The following FBXL7 variants were observed in gnomAD, a reference collection of about 807,000 sequenced individuals.
The protein encoded by FBXL7 is F-box and leucine rich repeat protein 7.
A neutral mutation model predicts 38.3 loss-of-function variants in FBXL7; 12 were observed. The observed-to-expected ratio is 0.31, with a 90% CI of 0.20 to 0.51. FBXL7 has a LOEUF of 0.51. Among genes scored for constraint, FBXL7 ranks in the 20% least tolerant of loss-of-function variants. The probability of loss-of-function intolerance (pLI) is 0.98; values close to 1 mark genes in which losing one functional copy is unlikely to be tolerated. For synonymous variants in FBXL7, 297 were observed against 300.9 expected (o/e 0.99, Z 0.13); for missense variants, 567 against 676.4 (o/e 0.84, Z 1.79).
chr5:15,595,754 A>G (rs1413918063), intron 1 of FBXL7, among the ~76,000 whole-genome samples: 1 of 152,206 alleles, frequency 6.6e-6, no homozygotes, highest in Admixed American at 6.5e-5. Flanking sequence ...ATCGAAGTGC[A>G]TTGACTCCAG....
chr5:15,888,919 T>C (rs1293148324), intron 2 of FBXL7, among the ~76,000 whole-genome samples: 1 of 152,194 alleles, frequency 6.6e-6, no homozygotes. Flanking sequence ...AAAAATCTAT[T>C]ATCTGTGCAG....
chr5:15,725,484 C>T (rs1744320353), intron 2 of FBXL7, among the ~76,000 whole-genome samples: 1 of 152,128 alleles, frequency 6.6e-6, no homozygotes, highest in Non-Finnish European at 1.5e-5. Flanking sequence ...CTAAGTTCAT[C>T]CCATTGTGGT....
At chr5:15,629,126 A>G (rs1035559005) in intron 2 of FBXL7, among the ~76,000 whole-genome samples, 2 of 152,012 alleles carry the variant, frequency 1.3e-5, no homozygotes, top group African/African-American at 4.8e-5. Context: ...AAAAAAAAAA[A>G]ATTGAGAAAA....
chr5:15,577,594 TTGTGTGTGTGTGTGTGTGTGTGTG>T (rs34405217), intron 1 of FBXL7, among the ~76,000 whole-genome samples: 37 of 147,634 alleles, frequency 2.5e-4, no homozygotes, highest in African/African-American at 7.2e-4. Context: ...GTAATGCATT[TTGTGTGTGTGTGTGTGTGTGTGTG>T]TGTGTGTGTG....
At chr5:15,914,778 CT>C (rs1741538096) in intron 2 of FBXL7, among the ~76,000 whole-genome samples, 1 of 152,140 alleles carries the variant, frequency 6.6e-6, no homozygotes, top group East Asian at 1.9e-4. Flanking sequence ...ACATTCTCCC[CT>C]TGGTGCATTA....
At chr5:15,536,018 C>A (rs1411870564) in intron 1 of FBXL7, among the ~76,000 whole-genome samples, 1 of 152,242 alleles carries the variant, frequency 6.6e-6, no homozygotes, top group Non-Finnish European at 1.5e-5. Context: ...GAGCATCTTA[C>A]CTCCCACCTG....
intron 2 of FBXL7, among the ~76,000 whole-genome samples, chr5:15,781,985 C>G (rs1737006066): frequency 2.6e-5 from 4 of 152,114 alleles, no homozygotes; most frequent in Admixed American, 2.6e-4. Flanking sequence ...CCCCTTGCCA[C>G]CCACCCACTG....
chr5:15,761,414 T>C (rs1736436389), intron 2 of FBXL7, among the ~76,000 whole-genome samples: 1 of 152,184 alleles, frequency 6.6e-6, no homozygotes, highest in Non-Finnish European at 1.5e-5. Flanking sequence ...AACCTTGAAC[T>C]TGGAGAAGGT....
At chr5:15,663,902 A>G (rs985335429) in intron 2 of FBXL7, among the ~76,000 whole-genome samples, 19 of 152,072 alleles carry the variant, frequency 1.2e-4, no homozygotes, top group Non-Finnish European at 2.1e-4. Flanking sequence ...CAGTTATTAT[A>G]TCTTTGATGT....
At position 15,883,674 on chromosome 5, in the gene FBXL7, G is replaced by A. The variant is rs537866140; in HGVS notation, c.128-44216G>A. On this transcript the variant is annotated intron_variant, in intron 2 of 3. Transcript: ENST00000504595. ...TGCTGGTCAAATTGCCAGTTTTATT[G>A]ATCACTCAGCCTTGTTGAACATCTG... Among the ~76,000 whole-genome samples the A allele has an allele frequency of 2.9e-3, 434 of 152,208 alleles. 3 individuals are homozygous for A. The highest frequency in any genetic ancestry group is 0.01 in the African/African-American group (421 of 41,536).
intron 2 of FBXL7, among the ~76,000 whole-genome samples, chr5:15,831,596 G>A (rs1274084440): frequency 6.6e-6 from 1 of 152,116 alleles, no homozygotes; most frequent in Non-Finnish European, 1.5e-5. Flanking sequence ...AGCTTTAATT[G>A]GCTAATGTGC....
intron 1 of FBXL7, among the ~76,000 whole-genome samples, chr5:15,504,089 C>T (rs768388711): frequency 4.6e-5 from 7 of 152,246 alleles, no homozygotes; most frequent in Non-Finnish European, 7.3e-5. Flanking sequence ...CATCATTTAT[C>T]ACGTGCATGT....
intron 2 of FBXL7, among the ~76,000 whole-genome samples, chr5:15,624,582 T>C (rs532535246): frequency 1.3e-5 from 2 of 152,220 alleles, no homozygotes; most frequent in East Asian, 1.9e-4. Flanking sequence ...AATACAGTAA[T>C]TCTTGATTGC....
At chr5:15,754,992 T>C (rs1736253240) in intron 2 of FBXL7, among the ~76,000 whole-genome samples, 1 of 152,208 alleles carries the variant, frequency 6.6e-6, no homozygotes, top group Non-Finnish European at 1.5e-5. Flanking sequence ...TTGTGATGTT[T>C]TTCTTGAATG....
At chr5:15,831,573 G>T (rs953263496) in intron 2 of FBXL7, among the ~76,000 whole-genome samples, 1 of 152,200 alleles carries the variant, frequency 6.6e-6, no homozygotes, top group East Asian at 1.9e-4. Flanking sequence ...GTTAAGCACA[G>T]AACTCTTATA....
intron 1 of FBXL7, among the ~76,000 whole-genome samples, chr5:15,546,105 A>G (rs1311512065): frequency 3.3e-5 from 5 of 152,264 alleles, no homozygotes; most frequent in Non-Finnish European, 1.5e-5. Flanking sequence ...GATACATATT[A>G]TAATTCAATT....
rs189832151 is a variant in FBXL7 at position 15,723,021 on chromosome 5, A to G, written c.127+106949A>G. On this transcript the variant is annotated intron_variant, in intron 2 of 3. Transcript: ENST00000504595. The stretch of plus-strand genomic sequence containing the variant: ...TGGATAATTCATGTTACACAATCAC[A>G]TACTATAAAGTAATGATAAGATGTA... 1.4e-4 allele frequency among the ~76,000 whole-genome samples: 22 copies of G among 152,310 alleles called. No homozygotes were observed. The East Asian group carries it at 1.7e-3, about 12-fold the overall frequency.
At chr5:15,814,299 C>G (rs1161742755) in intron 2 of FBXL7, among the ~76,000 whole-genome samples, 1 of 152,014 alleles carries the variant, frequency 6.6e-6, no homozygotes, top group Non-Finnish European at 1.5e-5. Context: ...AAGCTGGCAA[C>G]CATCATTCTC....
intron 1 of FBXL7, among the ~76,000 whole-genome samples, chr5:15,511,061 C>A (rs1210613271): frequency 6.6e-6 from 1 of 152,148 alleles, no homozygotes; most frequent in Non-Finnish European, 1.5e-5. Flanking sequence ...CTTTCCCAAT[C>A]TTTGTTTTGT....
Sources: allele counts gnomAD v4.1 joint callset (sites outside exome capture counted in the v4.1 genomes callset), GRCh38; gene constraint gnomAD v4.1.1; transcripts MANE v1.5; gene names NCBI Gene and HGNC (gene_info 2026-07-23, HGNC 2026-07-21).